ACADSB: variants seen among roughly 807,000 people sequenced by gnomAD.
ACADSB encodes short/branched chain specific acyl-CoA dehydrogenase, mitochondrial.
Under a neutral mutation model 54.1 loss-of-function variants are expected in ACADSB, and 40 were observed. The ratio of observed to expected loss-of-function variants is 0.74; its 90% confidence interval spans 0.57 to 0.96. The LOEUF (loss-of-function observed/expected upper bound fraction) is 0.96. Ranked by LOEUF, ACADSB falls within the 40% of genes least tolerant of loss-of-function variation. The pLI, the probability that ACADSB is intolerant of heterozygous loss-of-function variation, is 0.00. For synonymous variants in ACADSB, 182 were observed against 182.8 expected, an observed-to-expected ratio of 1.00 and a Z score of 0.03; for missense variants, 530 against 510.4, an observed-to-expected ratio of 1.04 and a Z score of -0.37.
rs974220949 is a variant in ACADSB, at chr10:123,057,317, A to G, written c.*3552A>G. On this transcript the variant is annotated 3_prime_UTR_variant, in exon 11 of 11. Transcript: ENST00000358776. ...TGTGCATATTCACCAATAACAGTTAAAATTAATTATGTGTTATAGTTAATA... is the reference window on the plus strand; with the variant it reads ...TGTGCATATTCACCAATAACAGTTAGAATTAATTATGTGTTATAGTTAATA... 3.9e-5 allele frequency: 6 copies of G among 152,242 alleles called. No individual in the cohort carries two copies. The highest frequency in any genetic ancestry group is 8.8e-5 in the Non-Finnish European group (6 of 68,042). The allele number at this position is 152,242 out of a possible 1,614,324, so 9.4% of individuals were successfully genotyped here.
At chr10:123,032,099 C>T (rs1850335200) in intron 1 of ACADSB, among the ~76,000 whole-genome samples, 1 of 151,980 alleles carries the variant, frequency 6.6e-6, no homozygotes, top group African/African-American at 2.4e-5. Context: ...CCTGCCTCAG[C>T]CTCCCGAGTA....
Position 123,052,892 on chromosome 10 carries a change from G to C in ACADSB, c.1129-169G>C, listed in dbSNP as rs1335764405. 2 of 664,232 alleles carry C rather than the reference G, an allele frequency of 3.0e-6. No homozygotes were observed. The highest frequency in any genetic ancestry group is 1.8e-5 in the African/African-American group (1 of 55,976). The allele number at this position is 664,232 out of a possible 1,614,324, so 41.1% of individuals were successfully genotyped here. Reference sequence around the variant, plus strand: ...CTGTGAATTAATAGGATGTTTTACAGAAATGGTATGGAGAATGGGACTGAA... The same window carrying C: ...CTGTGAATTAATAGGATGTTTTACACAAATGGTATGGAGAATGGGACTGAA... On this transcript the variant is annotated intron_variant, in intron 9 of 10. Transcript: ENST00000358776. The surrounding 1 kb of genome is among the most constrained non-coding windows in gnomAD (Gnocchi z 4.2).
rs567406583 is a variant in ACADSB at position 123,057,376 on chromosome 10, A to C, written c.*3611A>C. ...TACCTTCTTCCGTTAGTGCATCAGT[A>C]AATGTGTTATTTTGTCATTTTTCCA... On this transcript the variant is annotated 3_prime_UTR_variant, in exon 11 of 11. Transcript: ENST00000358776. 1.1e-4 allele frequency: 16 copies of C among 152,320 alleles called. No homozygotes were observed. Among genetic ancestry groups the C allele is most frequent in the African/African-American group, 3.6e-4 (15 of 41,574 alleles). 9.4% of individuals were successfully genotyped at this position (152,320 alleles called of 1,614,324 possible).
At chr10:123,042,082 C>T (rs1280792570) in intron 5 of ACADSB, among the ~76,000 whole-genome samples, 1 of 151,524 alleles carries the variant, frequency 6.6e-6, no homozygotes, top group East Asian at 1.9e-4. Flanking sequence ...TCTCCTGCCT[C>T]AGCCTCCCAA....
rs190167922 is a variant in ACADSB, at chr10:123,047,245, A to C, written c.937A>C (p.Ile313Leu). The C allele has an allele frequency of 3.7e-6, 6 of 1,609,334 alleles. No individual in the cohort carries two copies. In the East Asian group the frequency reaches 1.1e-4, roughly 30 times the overall value. Residue 313 changes from isoleucine (I) to leucine (L), a missense_variant, in exon 8 of 11, where the codon ATT (isoleucine) becomes CTT (leucine). Physicochemically the swap from Ile to Leu is conservative, Grantham distance 5. Transcript: ENST00000358776. ...GGCGCAAGGATGTTTTGACTACACT[A>C]TTCCATATATTAAAGAAAGGATACA... The part of the protein sequence containing the change: ...GLAQGCFDYT[I>L]PYIKERIQFG...
chr10:123,015,831 G>A (rs1445905820), intron 1 of ACADSB, among the ~76,000 whole-genome samples: 3 of 152,190 alleles, frequency 2.0e-5, no homozygotes, highest in Non-Finnish European at 4.4e-5. Flanking sequence ...AACTCATCAC[G>A]TGAGACTCTG....
At chr10:123,051,914 C>G (rs142588459) in intron 9 of ACADSB, among the ~76,000 whole-genome samples, 1 of 152,172 alleles carries the variant, frequency 6.6e-6, no homozygotes, top group Non-Finnish European at 1.5e-5. Context: ...CCTCACCCCC[C>G]ACATTGAGTC....
At chr10:123,048,885 C>G (rs184880307) in intron 8 of ACADSB, among the ~76,000 whole-genome samples, 2 of 152,116 alleles carry the variant, frequency 1.3e-5, no homozygotes, top group Admixed American at 6.5e-5. Flanking sequence ...CCCGCCACCA[C>G]GCCCAGCTAA....
intron 7 of ACADSB, 51 bp from the exon 8 acceptor site, chr10:123,047,158 T>A (rs184878884): frequency 9.8e-5 from 140 of 1,433,650 alleles, no homozygotes; most frequent in Admixed American, 3.4e-4. Context: ...CTTGGATAAT[T>A]AAACTTATAA....
At position 123,053,688 on chromosome 10, in the gene ACADSB, G is replaced by A. The variant is rs1460593618; in HGVS notation, c.1229-7G>A. 2.5e-6 allele frequency: 4 copies of A among 1,612,148 alleles called. No individual in the cohort carries two copies. Among genetic ancestry groups the A allele is most frequent in the South Asian group, 1.1e-5 (1 of 91,042 alleles). On this transcript the variant is annotated splice_region_variant and splice_polypyrimidine_tract_variant and intron_variant, in intron 10 of 10. Coordinates refer to ENST00000358776, the MANE Select transcript of ACADSB (RefSeq NM_001609.4). ...CTCATTGTTCCTTCTGCTTCCTTTT[G>A]CTTAAGGTACGATATATGAAGGAGC...
intron 1 of ACADSB, among the ~76,000 whole-genome samples, chr10:123,022,544 CG>C (rs1850196582): frequency 6.6e-6 from 1 of 152,196 alleles, no homozygotes; most frequent in Non-Finnish European, 1.5e-5. Flanking sequence ...AAGTACCGCA[CG>C]TGGTTATAAG....
At chr10:123,045,247 C>T (rs1276348268) in intron 7 of ACADSB, among the ~76,000 whole-genome samples, 2 of 131,258 alleles carry the variant, frequency 1.5e-5, no homozygotes, top group African/African-American at 2.9e-5. Flanking sequence ...GGTGCGATCT[C>T]GGCTCACTGC....
intron 8 of ACADSB, among the ~76,000 whole-genome samples, chr10:123,049,056 A>G (rs996637915): frequency 1.3e-5 from 2 of 152,274 alleles, no homozygotes; most frequent in South Asian, 2.1e-4. Flanking sequence ...ACAGGTACCC[A>G]TAAACATTTA....
intron 2 of ACADSB, among the ~76,000 whole-genome samples, chr10:123,035,636 G>A (rs969973444): frequency 6.6e-6 from 1 of 152,194 alleles, no homozygotes; most frequent in African/African-American, 2.4e-5. Context: ...CAGTGTGTCA[G>A]TTGGGCTGTG....
Position 123,043,112 on chromosome 10 carries a change from G to T in ACADSB, c.748G>T (p.Glu250Ter). The T allele has an allele frequency of 6.2e-7, 1 of 1,614,050 alleles. No individual in the cohort carries two copies. The highest frequency in any genetic ancestry group is 1.3e-5 in the African/African-American group (1 of 75,042). Residue 250 changes from glutamate to a stop codon, truncating the protein, a stop_gained, in exon 6 of 11, where the codon GAA becomes TAA. Transcript: ENST00000358776. LOFTEE classifies it high-confidence loss of function. ...DTPGLHIGKP[E>*]NKLGLRASST... ...TCCGGGCCTTCATATAGGGAAACCT[G>T]AAAACAAATTGGGGCTCAGAGCTTC...
chr10:123,030,764 C>A (rs1288630886), intron 1 of ACADSB, among the ~76,000 whole-genome samples: 1 of 100,298 alleles, frequency 1.0e-5, no homozygotes, highest in Non-Finnish European at 2.6e-5. Context: ...TAACTCAATT[C>A]TTTTGGGTTT....
chr10:123,051,391 C>T (rs1172247662), intron 9 of ACADSB, among the ~76,000 whole-genome samples: 3 of 152,020 alleles, frequency 2.0e-5, no homozygotes, highest in Admixed American at 2.0e-4. Context: ...TGTGAGGTCT[C>T]AATGTTTCGT....
rs188122733 is a variant in ACADSB at position 123,010,792 on chromosome 10, T to G, written c.42+1721T>G. Among the ~76,000 whole-genome samples, 7 of 152,280 alleles carry G rather than the reference T, an allele frequency of 4.6e-5. No homozygotes were observed. The East Asian group carries it at 1.3e-3, about 29-fold the overall frequency. On this transcript the variant is annotated intron_variant, in intron 1 of 10. Coordinates refer to ENST00000358776, the MANE Select transcript of ACADSB (RefSeq NM_001609.4). Reference sequence around the variant, plus strand: ...ATGCCAGATGTAATAATGAATAAAATACTCTACCTCCAAGAAGTTTATCTT... The same window carrying G: ...ATGCCAGATGTAATAATGAATAAAAGACTCTACCTCCAAGAAGTTTATCTT...
At chr10:123,015,830 C>T (rs1850103497) in intron 1 of ACADSB, among the ~76,000 whole-genome samples, 1 of 152,314 alleles carries the variant, frequency 6.6e-6, no homozygotes, top group Non-Finnish European at 1.5e-5. Flanking sequence ...GAACTCATCA[C>T]GTGAGACTCT....
Sources: allele counts gnomAD v4.1 joint callset (sites outside exome capture counted in the v4.1 genomes callset), GRCh38; gene constraint gnomAD v4.1.1; non-coding constraint Gnocchi (gnomAD v3.1); transcripts MANE v1.5; gene names NCBI Gene and HGNC (gene_info 2026-07-23, HGNC 2026-07-21).